Variants in P3H1 observed in about 807,000 individuals in gnomAD.
P3H1 encodes prolyl 3-hydroxylase 1.
A neutral mutation model predicts 84.0 loss-of-function variants in P3H1; 69 were observed. The observed-to-expected ratio is 0.82, with a 90% CI of 0.68 to 1.00. The LOEUF is 1.00. Among genes scored for constraint, P3H1 ranks in the 50% least tolerant of loss-of-function variants. The pLI, the probability that P3H1 is intolerant of heterozygous loss-of-function variation, is 0.00. For synonymous variants in P3H1, 366 were observed against 388.8 expected, an observed-to-expected ratio of 0.94 and a Z score of 0.69; for missense variants, 878 against 962.8, an observed-to-expected ratio of 0.91 and a Z score of 1.17.
Position 42,748,194 on chromosome 1 carries a change from A to G in P3H1, c.1838+6T>C. On this transcript the variant is annotated splice_donor_region_variant and intron_variant, in intron 12 of 14. Transcript: ENST00000296388. ...CCTCCTCACCCTGCACCTGCCCCGC[A>G]CTCACCTGTAGTCGCGGAAGGTGTA... is the stretch of plus-strand genomic sequence containing the variant. 2 of 1,606,700 alleles carry G rather than the reference A, an allele frequency of 1.2e-6. No individual in the cohort carries two copies. Among genetic ancestry groups the G allele is most frequent in the Non-Finnish European group, 1.7e-6 (2 of 1,174,088 alleles).
intron 13 of P3H1, 32 bp from the exon 14 acceptor site, chr1:42,747,444 C>T (rs373969270): frequency 1.9e-6 from 3 of 1,595,756 alleles, no homozygotes. Context: ...GGGGGTTGCA[C>T]AGGACAAAGA....
chr1:42,754,488 T>C lies in P3H1; in HGVS notation c.1345+381A>G, dbSNP rs1652277607. Among the ~76,000 whole-genome samples the C allele has an allele frequency of 6.6e-6, 1 of 152,132 alleles. No homozygotes were observed. Among genetic ancestry groups the C allele is most frequent in the Non-Finnish European group, 1.5e-5 (1 of 68,018 alleles). On this transcript the variant is annotated intron_variant, in intron 8 of 14. Transcript: ENST00000296388. This position sits in a 1 kb window ranked among gnomAD's most constrained non-coding sequence, Gnocchi z 4.0. ...TACCTATGGAAGTGGACAACACTAG[T>C]CACTCATGTTTCTGTGACACAGAAG...
chr1:42,750,191 A>G lies in P3H1; in HGVS notation c.1715T>C (p.Ile572Thr). ...GCAGGGGTAATGAGGCCCACCTTCG[A>G]TGGCAGTGCGGCACACCAGATGAGA... Reference protein sequence around the residue: ...SYSHLVCRTAIEEVQAERKDD... With the variant: ...SYSHLVCRTATEEVQAERKDD... Residue 572 changes from isoleucine to threonine, a missense_variant, in exon 11 of 15, where the codon ATC (isoleucine) becomes ACC (threonine). Physicochemically the swap from Ile to Thr is moderately conservative, Grantham distance 89. Coordinates refer to ENST00000296388, the MANE Select transcript of P3H1 (RefSeq NM_022356.4). The G allele has an allele frequency of 1.9e-6, 3 of 1,612,648 alleles. No homozygotes were observed. The highest frequency in any genetic ancestry group is 2.5e-6 in the Non-Finnish European group (3 of 1,179,464).
chr1:42,755,052 T>C (rs1286107356), intron 7 of P3H1, 62 bp from the exon 8 acceptor site: 2 of 1,613,890 alleles, frequency 1.2e-6, no homozygotes, highest in East Asian at 4.5e-5. Flanking sequence ...CACCCCGACT[T>C]CCCAAACTGG....
chr1:42,746,437 T>C lies in P3H1; in HGVS notation c.*260A>G. 1.8e-6 allele frequency: 1 copy of C among 556,770 alleles called. No individual in the cohort carries two copies. The highest frequency in any genetic ancestry group is 2.3e-5 in the South Asian group (1 of 43,016). 34.5% of individuals were successfully genotyped at this position (556,770 alleles called of 1,614,324 possible). A position where few individuals can be genotyped will look rare whatever the true frequency, so the allele number is the denominator to read the frequency against. On this transcript the variant is annotated 3_prime_UTR_variant, in exon 15 of 15. Transcript: ENST00000296388. ...CACAGACACTTAAGTACTGTATCGC[T>C]GTCATGCAGCGGCCTGTGGAGGCCC...
At chr1:42,751,565 T>TTAAA (rs1652079981) in intron 10 of P3H1, 2 of 85,818 alleles carry the variant, frequency 2.3e-5, no homozygotes, top group African/African-American at 8.2e-5. Flanking sequence ...GAATGATCAA[T>TTAAA]AAAAAAAAAA....
chr1:42,759,708 C>T (rs1473919860), intron 2 of P3H1, among the ~76,000 whole-genome samples: 1 of 151,996 alleles, frequency 6.6e-6, no homozygotes, highest in Non-Finnish European at 1.5e-5. Flanking sequence ...ATTCTCTTGC[C>T]TCAGCCTCCC....
At chr1:42,753,956 G>C (rs1277437129) in intron 8 of P3H1, among the ~76,000 whole-genome samples, 1 of 152,100 alleles carries the variant, frequency 6.6e-6, no homozygotes, top group Non-Finnish European at 1.5e-5. Context: ...GCTTTGCAGG[G>C]TATATCTCAG....
At chr1:42,750,020 C>T (rs1230310260) in intron 11 of P3H1, 166 bp downstream of exon 11, 6 of 789,430 alleles carry the variant, frequency 7.6e-6, no homozygotes, top group Middle Eastern at 3.8e-4. Flanking sequence ...TAACTTCCTC[C>T]ATGCTACTGT....
chr1:42,759,917 T>C (rs1235244038), intron 2 of P3H1: 1 of 157,348 alleles, frequency 6.4e-6, no homozygotes, highest in Non-Finnish European at 1.4e-5. Context: ...ATGAAAGATA[T>C]CTAGGAGTTC....
chr1:42,755,347 G>T (rs761323693), intron 6 of P3H1, 130 bp from the exon 7 acceptor site: 1 of 1,033,470 alleles, frequency 9.7e-7, no homozygotes, highest in Admixed American at 1.9e-5. Flanking sequence ...GACAAAATGG[G>T]AGGTTTCCAC....
chr1:42,762,641 C>T (rs905050979), intron 1 of P3H1, among the ~76,000 whole-genome samples, 166 bp from the exon 2 acceptor site: 1 of 152,166 alleles, frequency 6.6e-6, no homozygotes, highest in Non-Finnish European at 1.5e-5. Context: ...GCAGGAACTA[C>T]CCACGACAGA....
At chr1:42,753,794 A>G (rs768037363) in intron 8 of P3H1, among the ~76,000 whole-genome samples, 2 of 152,064 alleles carry the variant, frequency 1.3e-5, no homozygotes, top group African/African-American at 4.8e-5. Flanking sequence ...ATGGTGCCAC[A>G]TGCCTGTAAT....
At chr1:42,747,058 C>T (rs1406313568) in intron 14 of P3H1, 2 of 1,614,224 alleles carry the variant, frequency 1.2e-6, no homozygotes, top group South Asian at 1.1e-5. Context: ...CCTGTCTTGA[C>T]CTCTTTCCCC....
chr1:42,752,759 C>A, intron 8 of P3H1, 95 bp from the exon 9 acceptor site: 1 of 1,514,638 alleles, frequency 6.6e-7, no homozygotes, highest in East Asian at 2.3e-5. Context: ...ATAGAAATTC[C>A]AGCTGTTTCC....
chr1:42,759,327 G>A lies in P3H1; in HGVS notation c.682C>T (p.Leu228=), dbSNP rs1652576484. 1.2e-6 allele frequency: 2 copies of A among 1,614,060 alleles called. No homozygotes were observed. The highest frequency in any genetic ancestry group is 1.7e-6 in the Non-Finnish European group (2 of 1,180,026). Residue 228 remains leucine (L), a synonymous_variant, in exon 3 of 15, where the codon CTA becomes TTA. Coordinates refer to ENST00000296388, the MANE Select transcript of P3H1 (RefSeq NM_022356.4). ...AAGTATTCTTGCAGCGCCGCCTCTAGGTGGGGCACAGCTTCCTGTGGCTGT... is the reference window on the plus strand; with the variant it reads ...AAGTATTCTTGCAGCGCCGCCTCTAAGTGGGGCACAGCTTCCTGTGGCTGT... ...EEQPQEAVPH[L]EAALQEYFVA...
rs76852821 is a variant in P3H1, at chr1:42,755,634, C to T, written c.1084G>A (p.Ala362Thr). 1.2e-6 allele frequency: 2 copies of T among 1,613,094 alleles called. No individual in the cohort carries two copies. Among genetic ancestry groups the T allele is most frequent in the African/African-American group, 1.3e-5 (1 of 75,020 alleles). ...HTRSIGPRESAKEYRQRSLLE... is the reference protein window; with the variant it reads ...HTRSIGPRESTKEYRQRSLLE... ...AGGCTTCGCTGTCGGTACTCCTTGG[C>T]ACTCTGAGGGTAAAAAAGCAAACAA... The change falls in exon 6 of 15, where the codon GCC becomes ACC. Residue 362 changes from alanine (A) to threonine (T), a missense_variant. Transcript: ENST00000296388.
At position 42,766,819 on chromosome 1, in the gene P3H1, C is replaced by G; in HGVS notation, c.153G>C (p.Trp51Cys). 1 of 1,603,778 alleles carries G rather than the reference C, an allele frequency of 6.2e-7. No homozygotes were observed. Among genetic ancestry groups the G allele is most frequent in the Non-Finnish European group, 8.5e-7 (1 of 1,179,674 alleles). ...EGTAAYARGD[W>C]PGVVLSMERA... ...GTTCCATGCTCAGGACCACCCCGGG[C>G]CAGTCCCCGCGCGCGTAGGCTGCGG... Residue 51 changes from tryptophan to cysteine, a missense_variant, in exon 1 of 15, where the codon TGG becomes TGC. Physicochemically the swap from Trp to Cys is radical, Grantham distance 215. Coordinates refer to ENST00000296388, the MANE Select transcript of P3H1 (RefSeq NM_022356.4).
chr1:42,757,631 C>G, intron 5 of P3H1, 152 bp downstream of exon 5: 1 of 1,122,192 alleles, frequency 8.9e-7, no homozygotes, highest in Non-Finnish European at 1.3e-6. Flanking sequence ...CTCTGAATAA[C>G]AAGCCGAGTG....
Sources: gnomAD v4.1 joint callset for allele counts (sites outside exome capture counted in the v4.1 genomes callset) on GRCh38, gnomAD v4.1.1 for gene constraint, Gnocchi (gnomAD v3.1) non-coding constraint, MANE v1.5 for transcripts, NCBI Gene and HGNC (gene_info 2026-07-23, HGNC 2026-07-21) for gene names.